PCDHGA3: variants seen among roughly 807,000 people sequenced by gnomAD.
The protein encoded by PCDHGA3 is protocadherin gamma-A3.
A neutral mutation model predicts 58.5 loss-of-function variants in PCDHGA3; 40 were observed. The ratio of observed to expected loss-of-function variants is 0.68; its 90% CI spans 0.53 to 0.89. The LOEUF (loss-of-function observed/expected upper bound fraction) is 0.89. Among genes scored for constraint, PCDHGA3 ranks in the 40% least tolerant of loss-of-function variants. PCDHGA3 has a pLI of 0.00. For missense variants in PCDHGA3, 1,223 were observed against 1,195.9 expected, an observed-to-expected ratio of 1.02 and a Z score of -0.33; for synonymous variants, 530 against 525.7, an observed-to-expected ratio of 1.01 and a Z score of -0.11.
intron 1 of PCDHGA3, chr5:141,389,438 C>T (rs781427097): frequency 6.2e-7 from 1 of 1,610,592 alleles, no homozygotes; most frequent in South Asian, 1.1e-5. Flanking sequence ...AGCGCGCCTT[C>T]GACCACGAGC....
chr5:141,488,131 G>A (rs2099672034), intron 1 of PCDHGA3, among the ~76,000 whole-genome samples: 1 of 152,202 alleles, frequency 6.6e-6, no homozygotes, highest in Non-Finnish European at 1.5e-5. Context: ...GCAGAAAGAG[G>A]AGAGAACTAA....
chr5:141,432,482 G>T lies in PCDHGA3; in HGVS notation c.2425-62325G>T, dbSNP rs768206517. 2.5e-6 allele frequency: 4 copies of T among 1,614,060 alleles called. No individual in the cohort carries two copies. Among genetic ancestry groups the T allele is most frequent in the Non-Finnish European group, 3.4e-6 (4 of 1,180,052 alleles). ...CCTCCCCACGGACGGTTCCACTGGC[G>T]TGGAGCTGGCTCCCCGCTCCGCAGA... On this transcript the variant is annotated intron_variant, in intron 1 of 3. Transcript: ENST00000253812. The surrounding 1 kb of genome is among the most constrained non-coding windows in gnomAD (Gnocchi z 6.0).
At chr5:141,451,640 G>A (rs2098720679) in intron 1 of PCDHGA3, among the ~76,000 whole-genome samples, 1 of 152,166 alleles carries the variant, frequency 6.6e-6, no homozygotes, top group South Asian at 2.1e-4. Context: ...CCAGCACTCT[G>A]AGAGGCCAAG....
At chr5:141,355,940 A>T in intron 1 of PCDHGA3, 1 of 1,613,912 alleles carries the variant, frequency 6.2e-7, no homozygotes, top group East Asian at 2.2e-5. Context: ...CAGCCCGAGT[A>T]CCACGTAAGT....
chr5:141,360,270 G>T (rs1761507525), intron 1 of PCDHGA3: 2 of 1,613,904 alleles, frequency 1.2e-6, no homozygotes, highest in African/African-American at 1.3e-5. Flanking sequence ...CCAAAAACTC[G>T]GTCGTAGGAA....
Position 141,352,371 on chromosome 5 carries a change from T to A in PCDHGA3, c.2424+5914T>A, listed in dbSNP as rs756115221. On this transcript the variant is annotated intron_variant, in intron 1 of 3. Transcript: ENST00000253812. ...TCAGTGCTCTTTCTCCTCGCGGTGA[T>A]TCTAGCGATCGCCCTGCGCCTGCGA... 3 of 1,613,942 alleles carry A rather than the reference T, an allele frequency of 1.9e-6. No homozygotes were observed. The Admixed American group carries it at 5.0e-5, about 27-fold the overall frequency.
rs566635689 is a variant in PCDHGA3, at chr5:141,469,738, C to G, written c.2425-25069C>G. ...AGGAATTTATCATAAATACACACCT[C>G]AAAAATTACAAAAATACATATATAC... is the stretch of plus-strand genomic sequence containing the variant. On this transcript the variant is annotated intron_variant, in intron 1 of 3. Transcript: ENST00000253812. 6.7e-4 allele frequency among the ~76,000 whole-genome samples: 102 copies of G among 152,292 alleles called. 2 individuals are homozygous for G. Among genetic ancestry groups the G allele is most frequent in the African/African-American group, 2.4e-3 (99 of 41,552 alleles).
Position 141,389,835 on chromosome 5 carries a change from C to T in PCDHGA3, c.2424+43378C>T, listed in dbSNP as rs1238547778. 4.3e-6 allele frequency: 7 copies of T among 1,614,002 alleles called. No homozygotes were observed. The South Asian group carries it at 7.7e-5, about 18-fold the overall frequency. On this transcript the variant is annotated intron_variant, in intron 1 of 3. Transcript: ENST00000253812. ...CGCCGTGCGTGACGGTGGACAGCCA[C>T]CACTCTCGGCCACTGCCACGTTGCA...
At chr5:141,369,725 G>A (rs540933138) in intron 1 of PCDHGA3, among the ~76,000 whole-genome samples, 2 of 152,288 alleles carry the variant, frequency 1.3e-5, no homozygotes, top group African/African-American at 4.8e-5. Flanking sequence ...TTAGAAGTTA[G>A]AAGTAAAGGA....
chr5:141,384,012 A>C, intron 1 of PCDHGA3: 1 of 1,613,830 alleles, frequency 6.2e-7, no homozygotes. Flanking sequence ...TTTTCTACCT[A>C]CAAGACAGAG....
chr5:141,363,134 T>G (rs969653760), intron 1 of PCDHGA3, among the ~76,000 whole-genome samples: 4 of 152,230 alleles, frequency 2.6e-5, no homozygotes, highest in Admixed American at 1.3e-4. Flanking sequence ...CTAGAAAGAG[T>G]GCATTTAACA....
chr5:141,485,229 T>G lies in PCDHGA3; in HGVS notation c.2425-9578T>G, dbSNP rs2099609870. ...ATCTGGCGGTGGGCTACCCTTTTGT[T>G]CCTCTTTTACCACCTGGGTTACGTT... is the stretch of plus-strand genomic sequence containing the variant. On this transcript the variant is annotated intron_variant, in intron 1 of 3. Coordinates refer to ENST00000253812, the MANE Select transcript of PCDHGA3 (RefSeq NM_018916.4). The surrounding 1 kb of genome is among the most constrained non-coding windows in gnomAD (Gnocchi z 5.7). 6.2e-7 allele frequency: 1 copy of G among 1,614,042 alleles called. No individual in the cohort carries two copies. The highest frequency in any genetic ancestry group is 8.5e-7 in the Non-Finnish European group (1 of 1,180,030).
At chr5:141,368,404 C>G (rs778461695) in intron 1 of PCDHGA3, among the ~76,000 whole-genome samples, 1 of 152,034 alleles carries the variant, frequency 6.6e-6, no homozygotes, top group Non-Finnish European at 1.5e-5. Context: ...AACACACATA[C>G]ATACACACAT....
At chr5:141,510,682 G>C (rs1014890367) in intron 3 of PCDHGA3, among the ~76,000 whole-genome samples, 2 of 152,154 alleles carry the variant, frequency 1.3e-5, no homozygotes, top group Non-Finnish European at 2.9e-5. Context: ...GTGGCATAAG[G>C]AGGTTAGGTA....
At chr5:141,471,252 T>C (rs1003162914) in intron 1 of PCDHGA3, 1 of 151,872 alleles carries the variant, frequency 6.6e-6, no homozygotes, top group Non-Finnish European at 1.5e-5. Flanking sequence ...GGTTTCACCA[T>C]GTTGGCAAGG....
At chr5:141,381,798 CTCTT>C (rs372235829) in intron 1 of PCDHGA3, among the ~76,000 whole-genome samples, 40 of 144,168 alleles carry the variant, frequency 2.8e-4, no homozygotes, top group Non-Finnish European at 4.5e-4. Context: ...AGGCAATTCC[CTCTT>C]TCTTTCTTTC....
intron 1 of PCDHGA3, among the ~76,000 whole-genome samples, chr5:141,454,649 G>A (rs1202153817): frequency 6.6e-6 from 1 of 151,800 alleles, no homozygotes; most frequent in Non-Finnish European, 1.5e-5. Context: ...CAGGTGATCT[G>A]CCCACCTCGG....
At chr5:141,438,635 T>TATAC (rs1460604450) in intron 1 of PCDHGA3, among the ~76,000 whole-genome samples, 1 of 33,416 alleles carries the variant, frequency 3.0e-5, no homozygotes, top group Admixed American at 4.2e-4. Context: ...TATATATATA[T>TATAC]ACACACACAC....
intron 1 of PCDHGA3, chr5:141,384,303 G>C: frequency 6.2e-7 from 1 of 1,613,716 alleles, no homozygotes; most frequent in Non-Finnish European, 8.5e-7. Flanking sequence ...ACCCCAGAGG[G>C]GCCTCCATTT....
Sources: gnomAD v4.1 joint callset for allele counts (sites outside exome capture counted in the v4.1 genomes callset) on GRCh38, gnomAD v4.1.1 for gene constraint, Gnocchi (gnomAD v3.1) non-coding constraint, MANE v1.5 for transcripts, NCBI Gene and HGNC (gene_info 2026-07-23, HGNC 2026-07-21) for gene names.